The following EGFLAM variants were observed in gnomAD, a reference collection of about 807,000 sequenced individuals.
EGFLAM encodes pikachurin.
Under a neutral mutation model 113.1 loss-of-function variants are expected in EGFLAM, and 79 were observed. The observed-to-expected ratio is 0.70, with a 90% CI of 0.58 to 0.84. The LOEUF is 0.84. Ranked by LOEUF, EGFLAM falls within the 40% of genes least tolerant of loss-of-function variation. The pLI is 0.00. For missense variants in EGFLAM, 1,265 were observed against 1,291.6 expected, an observed-to-expected ratio of 0.98 and a Z score of 0.32; for synonymous variants, 504 against 487.6, an observed-to-expected ratio of 1.03 and a Z score of -0.44.
At chr5:38,289,949 T>A (rs1758271421) in intron 1 of EGFLAM, among the ~76,000 whole-genome samples, 1 of 152,250 alleles carries the variant, frequency 6.6e-6, no homozygotes, top group African/African-American at 2.4e-5. Context: ...TGTGAAGCAC[T>A]TACTCTGTCA....
intron 6 of EGFLAM, among the ~76,000 whole-genome samples, chr5:38,400,328 G>C (rs1180406914): frequency 6.6e-6 from 1 of 152,062 alleles, no homozygotes; most frequent in African/African-American, 2.4e-5. Context: ...ACAAAAATTT[G>C]TGTTTTGTTT....
At chr5:38,290,377 T>C (rs568705307) in intron 1 of EGFLAM, among the ~76,000 whole-genome samples, 3 of 152,174 alleles carry the variant, frequency 2.0e-5, no homozygotes, top group Non-Finnish European at 4.4e-5. Flanking sequence ...TCAGCCAGGA[T>C]ATACCCATAA....
chr5:38,366,547 GAA>G (rs1353029404), intron 5 of EGFLAM, among the ~76,000 whole-genome samples: 1 of 152,190 alleles, frequency 6.6e-6, no homozygotes, highest in Non-Finnish European at 1.5e-5. Context: ...ATAGTATCAA[GAA>G]AAGTGATTGT....
At chr5:38,455,514 T>G (rs1171504646) in intron 19 of EGFLAM, among the ~76,000 whole-genome samples, 2 of 152,174 alleles carry the variant, frequency 1.3e-5, no homozygotes, top group Non-Finnish European at 2.9e-5. Flanking sequence ...ATAGAACATG[T>G]CCACCACCCA....
chr5:38,331,328 AC>A (rs1561281317), intron 1 of EGFLAM, among the ~76,000 whole-genome samples: 1 of 152,224 alleles, frequency 6.6e-6, no homozygotes, highest in Non-Finnish European at 1.5e-5. Context: ...CAAATGTATG[AC>A]ATGTATCTAC....
Position 38,412,471 on chromosome 5 carries a change from A to G in EGFLAM, c.1350-33A>G, listed in dbSNP as rs2112145293. The stretch of plus-strand genomic sequence containing the variant: ...TGAAAACATAATGGCCTGGTTCGTC[A>G]AGAAATCTTCTTTTCCTTTTCCTCC... On this transcript the variant is annotated intron_variant, in intron 10 of 21. Coordinates refer to ENST00000322350, the MANE Select transcript of EGFLAM (RefSeq NM_152403.4). 1.9e-6 allele frequency: 3 copies of G among 1,614,004 alleles called. No individual in the cohort carries two copies. The East Asian group carries it at 6.7e-5, about 36-fold the overall frequency.
chr5:38,265,765 T>C (rs933397883), intron 1 of EGFLAM, among the ~76,000 whole-genome samples: 8 of 152,250 alleles, frequency 5.3e-5, no homozygotes, highest in Non-Finnish European at 1.2e-4. Flanking sequence ...CAGAGCTGGC[T>C]CTGCGCGGGT....
At chr5:38,441,196 C>G (rs764048222) in intron 17 of EGFLAM, among the ~76,000 whole-genome samples, 1 of 152,198 alleles carries the variant, frequency 6.6e-6, no homozygotes, top group Non-Finnish European at 1.5e-5. Flanking sequence ...AAACTCAAAC[C>G]TGTCTGTCCC....
intron 5 of EGFLAM, 34 bp downstream of exon 5, chr5:38,352,365 T>C: frequency 1.2e-6 from 2 of 1,610,938 alleles, no homozygotes; most frequent in Non-Finnish European, 1.7e-6. Context: ...AAGCCAAATG[T>C]GTGCTGGGCG....
chr5:38,422,898 G>A (rs1250389787), intron 12 of EGFLAM, among the ~76,000 whole-genome samples: 9 of 152,118 alleles, frequency 5.9e-5, no homozygotes, highest in African/African-American at 2.2e-4. Context: ...GGTTCACAGA[G>A]CCCCTGCTGT....
intron 1 of EGFLAM, among the ~76,000 whole-genome samples, chr5:38,260,630 C>T (rs539585111): frequency 1.9e-4 from 29 of 152,310 alleles, no homozygotes; most frequent in African/African-American, 7.0e-4. Flanking sequence ...ATATTAATTA[C>T]ATCAAATTTG....
At chr5:38,339,213 T>C (rs1420439092) in intron 3 of EGFLAM, among the ~76,000 whole-genome samples, 3 of 152,190 alleles carry the variant, frequency 2.0e-5, no homozygotes, top group Non-Finnish European at 2.9e-5. Context: ...ATTTAAAAGG[T>C]CCAAATTGTT....
intron 18 of EGFLAM, among the ~76,000 whole-genome samples, chr5:38,450,989 C>T (rs924624501): frequency 6.6e-6 from 1 of 152,162 alleles, no homozygotes; most frequent in African/African-American, 2.4e-5. Flanking sequence ...GGGAATGGGG[C>T]CCCTGAGTAG....
chr5:38,346,586 A>G (rs1008377900), intron 3 of EGFLAM: 1 of 152,210 alleles, frequency 6.6e-6, no homozygotes, highest in African/African-American at 2.4e-5. Flanking sequence ...CTGGTAATTA[A>G]TGGTAGCTGT....
In EGFLAM at chr5:38,295,364, A is replaced by G. The variant is rs150815774; in HGVS notation, c.97+36513A>G. On this transcript the variant is annotated intron_variant, in intron 1 of 21. Transcript: ENST00000322350. ...GAAAGCATATTTGCAGTAGTAGTCA[A>G]GACAGAGAGAGGTCGTTTGAATAAA... Among the ~76,000 whole-genome samples the G allele has an allele frequency of 1.1e-3, 171 of 152,386 alleles. 1 individual carries two copies. Among genetic ancestry groups the G allele is most frequent in the African/African-American group, 3.8e-3 (158 of 41,594 alleles).
intron 6 of EGFLAM, 151 bp from the exon 7 acceptor site, chr5:38,405,975 T>C (rs1409640999): frequency 2.2e-5 from 15 of 682,172 alleles, no homozygotes; most frequent in Non-Finnish European, 3.7e-5. Context: ...CTTTTGGTCA[T>C]TGACGCTTCC....
chr5:38,441,801 T>C (rs1742543434), intron 17 of EGFLAM, among the ~76,000 whole-genome samples: 1 of 152,186 alleles, frequency 6.6e-6, no homozygotes, highest in Non-Finnish European at 1.5e-5. Context: ...CAGTCTATAG[T>C]GGACAAGTCA....
intron 17 of EGFLAM, among the ~76,000 whole-genome samples, chr5:38,443,350 C>T (rs561570576): frequency 7.2e-5 from 11 of 152,260 alleles, no homozygotes; most frequent in East Asian, 3.9e-4. Context: ...CTTTAGAAAA[C>T]ATTTAAACCA....
intron 1 of EGFLAM, among the ~76,000 whole-genome samples, chr5:38,308,542 A>C (rs1160290934): frequency 6.6e-6 from 1 of 152,240 alleles, no homozygotes; most frequent in African/African-American, 2.4e-5. Context: ...CAAGTTACTT[A>C]AACTTTCTTG....
Sources: gnomAD v4.1 joint callset for allele counts (sites outside exome capture counted in the v4.1 genomes callset) on GRCh38, gnomAD v4.1.1 for gene constraint, MANE v1.5 for transcripts, NCBI Gene and HGNC (gene_info 2026-07-23, HGNC 2026-07-21) for gene names.